Variants in PLCB4 observed in about 807,000 individuals in gnomAD.
PLCB4 encodes the protein 1-phosphatidylinositol 4,5-bisphosphate phosphodiesterase beta-4.
Under a neutral mutation model 178.8 loss-of-function variants are expected in PLCB4, and 77 were observed. That is an observed-to-expected ratio of 0.43 (90% CI 0.36 to 0.52). The LOEUF is 0.52. Ranked by LOEUF, PLCB4 falls within the 20% of genes least tolerant of loss-of-function variation. The probability of loss-of-function intolerance (pLI) is 0.00; values close to 1 mark genes in which losing one functional copy is unlikely to be tolerated. For missense variants in PLCB4, 1,024 were observed against 1,453.4 expected (o/e 0.70, Z 4.80); for synonymous variants, 496 against 490.8 (o/e 1.01, Z -0.14).
At chr20:9,237,422 G>A (rs1648781181) in intron 3 of PLCB4, among the ~76,000 whole-genome samples, 1 of 152,140 alleles carries the variant, frequency 6.6e-6, no homozygotes, top group African/African-American at 2.4e-5. Context: ...TGAATGAAAC[G>A]CTAAGGAGTT....
At chr20:9,341,552 G>T (rs35808054) in intron 7 of PLCB4, among the ~76,000 whole-genome samples, 10,124 of 152,072 alleles carry the variant, frequency 0.067, 360 homozygotes, top group Middle Eastern at 0.095. Flanking sequence ...TCATCCTCAC[G>T]TTGAGTAAGC....
At chr20:9,165,768 G>A (rs1269242809) in intron 2 of PLCB4, among the ~76,000 whole-genome samples, 4 of 150,574 alleles carry the variant, frequency 2.7e-5, no homozygotes, top group African/African-American at 4.9e-5. Flanking sequence ...CGCTGTCACC[G>A]ATGGATGGGT....
chr20:9,282,726 G>A (rs769309277), intron 3 of PLCB4, among the ~76,000 whole-genome samples: 13 of 151,666 alleles, frequency 8.6e-5, no homozygotes, highest in African/African-American at 2.7e-4. Flanking sequence ...ATTTCTCACA[G>A]TTCTCTGTAT....
intron 2 of PLCB4, among the ~76,000 whole-genome samples, chr20:9,203,784 T>G (rs1347721213): frequency 7.9e-5 from 4 of 50,432 alleles, no homozygotes; most frequent in Admixed American, 2.4e-4. Flanking sequence ...AGTGTTTTTT[T>G]TTTTTTTTTT....
At chr20:9,228,722 A>G (rs1197007278) in intron 3 of PLCB4, among the ~76,000 whole-genome samples, 2 of 152,190 alleles carry the variant, frequency 1.3e-5, no homozygotes, top group African/African-American at 4.8e-5. Context: ...AGCCTAGAGC[A>G]CTGAGTGAAA....
chr20:9,176,255 G>A (rs112473501), intron 2 of PLCB4, among the ~76,000 whole-genome samples: 465 of 152,200 alleles, frequency 3.1e-3, no homozygotes, highest in African/African-American at 8.5e-3. Context: ...CTGTTGATGG[G>A]CATGTGTATA....
In PLCB4 at chr20:9,419,900, C is replaced by T. The variant is rs577644040; in HGVS notation, c.2145C>T (p.Cys715=). The T allele has an allele frequency of 3.7e-6, 6 of 1,607,830 alleles. No homozygotes were observed. The highest frequency in any genetic ancestry group is 2.7e-5 in the African/African-American group (2 of 74,886). The part of the protein sequence containing the change: ...TPVDGVIAAT[C]SVQVISGQFL... ...TTGATGGTGTTATTGCAGCCACTTG[C>T]TCAGTGCAGGTAAGGCCCCTGCTCA... Residue 715 remains cysteine (C), a synonymous_variant, in exon 26 of 40, where the codon TGC becomes TGT. Transcript: ENST00000378473.
intron 3 of PLCB4, among the ~76,000 whole-genome samples, chr20:9,223,079 G>C (rs1468183993): frequency 6.6e-6 from 1 of 152,180 alleles, no homozygotes; most frequent in Non-Finnish European, 1.5e-5. Flanking sequence ...GCCTTGAATG[G>C]AGGGTAGAAA....
chr20:9,298,285 G>T, intron 3 of PLCB4, among the ~76,000 whole-genome samples: 1 of 152,086 alleles, frequency 6.6e-6, no homozygotes, highest in Admixed American at 6.6e-5. Context: ...AGAAATATAC[G>T]ATTATCTCAA....
intron 3 of PLCB4, among the ~76,000 whole-genome samples, chr20:9,279,937 G>A (rs958863705): frequency 5.3e-5 from 8 of 152,052 alleles, no homozygotes; most frequent in Admixed American, 3.9e-4. Context: ...CTGTTTAGCC[G>A]TTTGGCTTTG....
chr20:9,132,980 C>A (rs957946833), intron 2 of PLCB4, among the ~76,000 whole-genome samples: 2 of 152,072 alleles, frequency 1.3e-5, no homozygotes, highest in African/African-American at 4.8e-5. Context: ...AGGACCACCC[C>A]CCGACAACAA....
intron 34 of PLCB4, among the ~76,000 whole-genome samples, 174 bp downstream of exon 34, chr20:9,457,663 G>C (rs1359484435): frequency 1.3e-5 from 2 of 152,124 alleles, no homozygotes; most frequent in Non-Finnish European, 2.9e-5. Context: ...AGACTCACTG[G>C]CTTTAAGAAG....
At chr20:9,458,786 C>T (rs150833524) in intron 34 of PLCB4, among the ~76,000 whole-genome samples, 16 of 152,258 alleles carry the variant, frequency 1.1e-4, no homozygotes, top group Non-Finnish European at 2.2e-4. Flanking sequence ...TCACAGGTCA[C>T]CCAGCTTCAA....
chr20:9,115,248 T>C (rs2091734280), intron 2 of PLCB4, among the ~76,000 whole-genome samples: 1 of 152,086 alleles, frequency 6.6e-6, no homozygotes, highest in African/African-American at 2.4e-5. Flanking sequence ...CCTGAATAAA[T>C]TGAAACGAGA....
chr20:9,463,593 C>CA (rs145361980), intron 35 of PLCB4, among the ~76,000 whole-genome samples: 21,347 of 49,802 alleles, frequency 0.43, 4,500 homozygotes, highest in East Asian at 0.51. Context: ...AAATGGAAAG[C>CA]AAAAAAAAAA....
intron 4 of PLCB4, among the ~76,000 whole-genome samples, chr20:9,315,517 T>C (rs745592520): frequency 6.6e-6 from 1 of 151,956 alleles, no homozygotes. Context: ...AAAGGAGTGA[T>C]AGAGGGATCA....
In PLCB4 at chr20:9,192,959, A is replaced by G. The variant is rs535416135; in HGVS notation, c.-78-24431A>G. 6.0e-4 allele frequency among the ~76,000 whole-genome samples: 92 copies of G among 152,282 alleles called. 1 individual carries two copies. Among genetic ancestry groups the G allele is most frequent in the Middle Eastern group, 3.4e-3 (1 of 294 alleles). On this transcript the variant is annotated intron_variant, in intron 2 of 39. Transcript: ENST00000378473. ...AGATCTCAGGCCCCTCTCAGAATCT[A>G]TGTTCTAGTTGGAAACAAGGGCTAA...
chr20:9,339,845 C>T (rs2032970040), intron 7 of PLCB4, among the ~76,000 whole-genome samples: 1 of 152,096 alleles, frequency 6.6e-6, no homozygotes, highest in African/African-American at 2.4e-5. Context: ...TCCAGCATAC[C>T]ATTGCCCTGG....
At chr20:9,301,408 C>T (rs1165135568) in intron 3 of PLCB4, among the ~76,000 whole-genome samples, 3 of 151,932 alleles carry the variant, frequency 2.0e-5, no homozygotes, top group Non-Finnish European at 2.9e-5. Flanking sequence ...TTGACCTAAA[C>T]TGGTCTAGGT....
Sources: gnomAD v4.1 joint callset for allele counts (sites outside exome capture counted in the v4.1 genomes callset) on GRCh38, gnomAD v4.1.1 for gene constraint, MANE v1.5 for transcripts, NCBI Gene and HGNC (gene_info 2026-07-23, HGNC 2026-07-21) for gene names.